Variants in BTBD9 observed in about 807,000 individuals in gnomAD.
The protein encoded by BTBD9 is BTB/POZ domain-containing protein 9.
In BTBD9, 49 loss-of-function variants were observed where a neutral mutation model predicts 64.3. That is an observed-to-expected ratio of 0.76 (90% CI 0.61 to 0.97). The LOEUF is 0.97. BTBD9 is among the 50% of genes least tolerant of loss of function. The probability of loss-of-function intolerance (pLI) is 0.00; values close to 1 mark genes in which losing one functional copy is unlikely to be tolerated. For synonymous variants in BTBD9, 260 were observed against 274.7 expected, an observed-to-expected ratio of 0.95 and a Z score of 0.53; for missense variants, 598 against 762.1, an observed-to-expected ratio of 0.78 and a Z score of 2.53.
At chr6:38,484,181 G>A (rs1486401057) in intron 6 of BTBD9, among the ~76,000 whole-genome samples, 1 of 152,174 alleles carries the variant, frequency 6.6e-6, no homozygotes, top group Non-Finnish European at 1.5e-5. Flanking sequence ...AAGCATAAAG[G>A]TGAGACATAA....
chr6:38,527,468 A>C (rs964789264), intron 6 of BTBD9, among the ~76,000 whole-genome samples: 3 of 151,964 alleles, frequency 2.0e-5, no homozygotes, highest in African/African-American at 7.3e-5. Flanking sequence ...TGCTGTTCTC[A>C]TGATAGTGAG....
chr6:38,244,351 G>A (rs1764108782), intron 9 of BTBD9, among the ~76,000 whole-genome samples: 2 of 152,162 alleles, frequency 1.3e-5, no homozygotes, highest in Non-Finnish European at 2.9e-5. Flanking sequence ...GACCATGAGA[G>A]GTACAGAGAG....
intron 7 of BTBD9, among the ~76,000 whole-genome samples, chr6:38,309,200 T>C: frequency 6.6e-6 from 1 of 151,086 alleles, no homozygotes; most frequent in East Asian, 2.1e-4. Flanking sequence ...TGAAACCCTG[T>C]CTCTACTAAA....
chr6:38,556,264 A>T, intron 6 of BTBD9, among the ~76,000 whole-genome samples: 1 of 152,166 alleles, frequency 6.6e-6, no homozygotes, highest in Admixed American at 6.5e-5. Flanking sequence ...TAAATAGACT[A>T]AATAAAATGA....
At chr6:38,242,200 T>C (rs548456878) in intron 9 of BTBD9, among the ~76,000 whole-genome samples, 1 of 152,282 alleles carries the variant, frequency 6.6e-6, no homozygotes, top group Non-Finnish European at 1.5e-5. Flanking sequence ...CCTCCTTGGG[T>C]TGGGAAATCA....
chr6:38,198,380 G>A (rs908532447), intron 9 of BTBD9, among the ~76,000 whole-genome samples: 7 of 152,166 alleles, frequency 4.6e-5, no homozygotes, highest in African/African-American at 1.4e-4. Flanking sequence ...CGGATGGGAG[G>A]AATGTACGGT....
At chr6:38,458,407 G>A (rs187159253) in intron 6 of BTBD9, among the ~76,000 whole-genome samples, 100 of 152,236 alleles carry the variant, frequency 6.6e-4, no homozygotes, top group African/African-American at 2.1e-3. Flanking sequence ...CTGCACTGCT[G>A]CCCTACATTC....
chr6:38,231,759 G>A (rs1346593105), intron 9 of BTBD9, among the ~76,000 whole-genome samples: 3 of 152,224 alleles, frequency 2.0e-5, no homozygotes, highest in African/African-American at 4.8e-5. Flanking sequence ...TGGCCTAGCC[G>A]CATGGGAGAA....
At chr6:38,454,506 T>C (rs1769706287) in intron 6 of BTBD9, among the ~76,000 whole-genome samples, 1 of 142,044 alleles carries the variant, frequency 7.0e-6, no homozygotes, top group Non-Finnish European at 1.5e-5. Context: ...TTAAATATAA[T>C]ATAATTAAAT....
In BTBD9 at chr6:38,389,962, T is replaced by A. The variant is rs190412209; in HGVS notation, c.1155-44869A>T. Among the ~76,000 whole-genome samples, 6 of 152,336 alleles carry A rather than the reference T, an allele frequency of 3.9e-5. No individual in the cohort carries two copies. In the East Asian group the frequency reaches 1.2e-3, roughly 29 times the overall value. ...CTTTCTCTCTCCGTAGAGTCCCACATACATATTGAATATATTCTAGTGGTA... is the reference window on the plus strand; with the variant it reads ...CTTTCTCTCTCCGTAGAGTCCCACAAACATATTGAATATATTCTAGTGGTA... On this transcript the variant is annotated intron_variant, in intron 6 of 10. Transcript: ENST00000481247.
intron 6 of BTBD9, among the ~76,000 whole-genome samples, chr6:38,379,954 A>G (rs1765861280): frequency 6.6e-6 from 1 of 152,338 alleles, no homozygotes; most frequent in Middle Eastern, 3.4e-3. Context: ...GATGTCCCAC[A>G]TAGAAAATAT....
intron 6 of BTBD9, among the ~76,000 whole-genome samples, chr6:38,366,844 G>C (rs1014323612): frequency 2.6e-5 from 4 of 152,226 alleles, no homozygotes; most frequent in African/African-American, 9.6e-5. Flanking sequence ...TATATGCTCA[G>C]TTTCTTCTAG....
At chr6:38,346,060 G>A (rs763010744) in intron 6 of BTBD9, among the ~76,000 whole-genome samples, 10 of 152,182 alleles carry the variant, frequency 6.6e-5, no homozygotes, top group Non-Finnish European at 1.3e-4. Flanking sequence ...TATGAACTAT[G>A]CACTCTGAAG....
chr6:38,465,329 G>A (rs1352503590), intron 6 of BTBD9, among the ~76,000 whole-genome samples: 2 of 150,736 alleles, frequency 1.3e-5, no homozygotes, highest in African/African-American at 4.9e-5. Context: ...ATATATATGG[G>A]TACTCAGGCC....
At chr6:38,304,487 A>C (rs915461829) in intron 7 of BTBD9, among the ~76,000 whole-genome samples, 1 of 152,094 alleles carries the variant, frequency 6.6e-6, no homozygotes, top group Non-Finnish European at 1.5e-5. Context: ...CAGAAGTTGC[A>C]ATGGGCTGAG....
At chr6:38,256,067 TA>T (rs780657571) in intron 9 of BTBD9, among the ~76,000 whole-genome samples, 353 of 144,110 alleles carry the variant, frequency 2.4e-3, no homozygotes, top group African/African-American at 6.2e-3. Context: ...TTAAAAGTGT[TA>T]AAAAAAAAAA....
chr6:38,405,452 C>G (rs9380745), intron 6 of BTBD9, among the ~76,000 whole-genome samples: 32,021 of 152,124 alleles, frequency 0.21, 4,291 homozygotes, highest in East Asian at 0.5. Context: ...AGCAGCAACT[C>G]TGCATCAGCA....
intron 7 of BTBD9, among the ~76,000 whole-genome samples, chr6:38,301,203 A>C (rs2127563652): frequency 6.6e-6 from 1 of 152,310 alleles, no homozygotes; most frequent in Admixed American, 6.5e-5. Context: ...CATCCCAGGG[A>C]TGAAGCCCAC....
At chr6:38,601,610 C>G (rs1381879155) in intron 1 of BTBD9, among the ~76,000 whole-genome samples, 3 of 152,004 alleles carry the variant, frequency 2.0e-5, no homozygotes, top group Admixed American at 6.6e-5. Flanking sequence ...CACTTGAGCC[C>G]AGGAGTTAAA....
Sources: allele counts gnomAD v4.1 joint callset (sites outside exome capture counted in the v4.1 genomes callset), GRCh38; gene constraint gnomAD v4.1.1; transcripts MANE v1.5; gene names NCBI Gene and HGNC (gene_info 2026-07-23, HGNC 2026-07-21).